The following GPR19 variants were observed in gnomAD, a reference collection of about 807,000 sequenced individuals.
The protein encoded by GPR19 is probable G protein-coupled receptor 19.
GPR19 carries 14 observed loss-of-function variants against 28.5 expected under a neutral mutation model. The observed-to-expected ratio is 0.49, with a 90% confidence interval of 0.32 to 0.77. The LOEUF (loss-of-function observed/expected upper bound fraction) is 0.77. Among genes scored for constraint, GPR19 ranks in the 30% least tolerant of loss-of-function variants. The pLI is 0.03. For missense variants in GPR19, 409 were observed against 504.1 expected (o/e 0.81, Z 1.81); for synonymous variants, 173 against 184.1 (o/e 0.94, Z 0.49).
intron 3 of GPR19, among the ~76,000 whole-genome samples, chr12:12,664,919 CAAAAAAAAAAA>C (rs746346681): frequency 3.2e-5 from 1 of 31,084 alleles, no homozygotes; most frequent in Admixed American, 5.6e-4. Context: ...GACGCCATCT[CAAAAAAAAAAA>C]AAAAAAAAAA....
chr12:12,711,472 T>C, the GPR19 span, among the ~76,000 whole-genome samples: 3 of 151,884 alleles, frequency 2.0e-5, no homozygotes, highest in African/African-American at 7.3e-5. Flanking sequence ...GGGGGTCACA[T>C]GACAGGTTCT....
At chr12:12,700,153 CTCTTTCTT>C (rs1555083663), upstream of GPR19, among the ~76,000 whole-genome samples, 15 of 21,100 alleles carry the variant, frequency 7.1e-4, no homozygotes, top group South Asian at 0.048. Flanking sequence ...TTTTTTCTCT[CTCTTTCTT>C]TCTCTCTCTC....
At chr12:12,665,819 CAAAAAAAAAAAA>C (rs528302150) in intron 3 of GPR19, among the ~76,000 whole-genome samples, 6 of 75,726 alleles carry the variant, frequency 7.9e-5, no homozygotes, top group Non-Finnish European at 1.3e-4. Flanking sequence ...GACTCCGTCT[CAAAAAAAAAAAA>C]AAAAAAAAAA....
chr12:12,670,730 A>T (rs949870138), intron 3 of GPR19, among the ~76,000 whole-genome samples: 27 of 152,342 alleles, frequency 1.8e-4, no homozygotes, highest in Admixed American at 8.5e-4. Context: ...CATATTACAC[A>T]TCACATACTA....
chr12:12,695,754 G>GA, intron 1 of GPR19, among the ~76,000 whole-genome samples: 1 of 152,116 alleles, frequency 6.6e-6, no homozygotes, highest in Non-Finnish European at 1.5e-5. Context: ...ACTCTTTTAA[G>GA]AAAAATGTCC....
At chr12:12,710,343 A>C in the GPR19 span, among the ~76,000 whole-genome samples, 1 of 108,858 alleles carries the variant, frequency 9.2e-6, no homozygotes, top group Non-Finnish European at 1.9e-5. Context: ...ACAAGAATGG[A>C]GCTCCATCTC....
At chr12:12,666,661 A>G (rs1945784334) in intron 3 of GPR19, among the ~76,000 whole-genome samples, 1 of 152,214 alleles carries the variant, frequency 6.6e-6, no homozygotes, top group South Asian at 2.1e-4. Context: ...TCCATGCTCT[A>G]CAGCTTCCAC....
At chr12:12,685,533 T>C (rs1336262218) in intron 2 of GPR19, among the ~76,000 whole-genome samples, 1 of 152,130 alleles carries the variant, frequency 6.6e-6, no homozygotes, top group Non-Finnish European at 1.5e-5. Flanking sequence ...CTGAAGAGGA[T>C]GATTTCTTTT....
At chr12:12,665,561 G>C (rs914765421) in intron 3 of GPR19, among the ~76,000 whole-genome samples, 2 of 152,106 alleles carry the variant, frequency 1.3e-5, no homozygotes, top group Non-Finnish European at 2.9e-5. Context: ...AAGATCGGCC[G>C]AGCGCGGTGG....
At chr12:12,692,048 T>C (rs1946188608) in intron 2 of GPR19, among the ~76,000 whole-genome samples, 1 of 152,232 alleles carries the variant, frequency 6.6e-6, no homozygotes, top group Admixed American at 6.5e-5. Flanking sequence ...TTTTCCTGAC[T>C]TGTTTCCTTA....
Position 12,662,024 on chromosome 12 carries a change from C to T in GPR19, c.425G>A (p.Arg142Gln). 1.7e-5 allele frequency: 28 copies of T among 1,614,208 alleles called. No individual in the cohort carries two copies. The highest frequency in any genetic ancestry group is 2.2e-5 in the Non-Finnish European group (26 of 1,180,042). ...ACCTGGAGTGAGATATTGAAAATAT[C>T]GCACAACCTTGCACGTTGCACTACC... ...TLGSATCKVV[R>Q]YFQYLTPGVQ... The change falls in exon 4 of 4, where the codon CGA becomes CAA. Residue 142 changes from arginine to glutamine, a missense_variant. Physicochemically the swap from Arg to Gln is conservative, Grantham distance 43. Transcript: ENST00000651487.
intron 3 of GPR19, among the ~76,000 whole-genome samples, chr12:12,672,161 C>T (rs1026748073): frequency 4.6e-5 from 7 of 152,178 alleles, no homozygotes; most frequent in African/African-American, 1.7e-4. Context: ...TGAGCTTTAC[C>T]CCACATGAAG....
the GPR19 span, chr12:12,717,221 C>T: frequency 9.6e-7 from 1 of 1,047,078 alleles, no homozygotes; most frequent in Non-Finnish European, 1.2e-6. Context: ...CTCGGGGAGG[C>T]GGCGCGCTCG....
intron 3 of GPR19, among the ~76,000 whole-genome samples, chr12:12,678,312 C>A (rs112774601): frequency 3.0e-5 from 4 of 131,660 alleles, no homozygotes; most frequent in East Asian, 1.9e-4. Context: ...TTTAAAAAAA[C>A]CAATGATTAT....
At chr12:12,662,905 G>A (rs187231394) in intron 3 of GPR19, among the ~76,000 whole-genome samples, 1 of 152,254 alleles carries the variant, frequency 6.6e-6, no homozygotes, top group East Asian at 1.9e-4. Flanking sequence ...AAAGAGGAAA[G>A]CTTGGGCAGA....
At chr12:12,710,866 C>T in the GPR19 span, among the ~76,000 whole-genome samples, 1 of 152,146 alleles carries the variant, frequency 6.6e-6, no homozygotes, top group Non-Finnish European at 1.5e-5. Context: ...AAGGGACATA[C>T]CTTTTCATTC....
chr12:12,717,036 G>C, the GPR19 span: 9 of 1,004,034 alleles, frequency 9.0e-6, no homozygotes, highest in Non-Finnish European at 1.1e-5. Context: ...CTTAGGCGCC[G>C]CGGCGAACCC....
chr12:12,698,831 C>G (rs752583517), upstream of GPR19, among the ~76,000 whole-genome samples: 2 of 151,718 alleles, frequency 1.3e-5, no homozygotes, highest in African/African-American at 2.4e-5. Context: ...AGGCTAGTCT[C>G]AAATTCCTGA....
At position 12,683,844 on chromosome 12, in the gene GPR19, T is replaced by G. The variant is rs75242239; in HGVS notation, c.-23+507A>C. ...GAAATTCTGTGGCAGTCTACTGTCC[T>G]AAATCAGAGCTGGGAACAATCACAA... is the stretch of plus-strand genomic sequence containing the variant. On this transcript the variant is annotated intron_variant, in intron 3 of 3. Coordinates refer to ENST00000651487, the MANE Select transcript of GPR19 (RefSeq NM_006143.3). Among the ~76,000 whole-genome samples the G allele has an allele frequency of 4.6e-3, 694 of 152,284 alleles. 12 individuals carry two copies. The East Asian group carries it at 0.049, about 11-fold the overall frequency.
Sources: gnomAD v4.1 joint callset for allele counts (sites outside exome capture counted in the v4.1 genomes callset) on GRCh38, gnomAD v4.1.1 for gene constraint, MANE v1.5 for transcripts, NCBI Gene and HGNC (gene_info 2026-07-23, HGNC 2026-07-21) for gene names.